The following EML6 variants were observed in gnomAD, a reference collection of about 807,000 sequenced individuals.
EML6 encodes the protein EMAP like 6.
EML6 carries 154 observed loss-of-function variants against 240.1 expected under a neutral mutation model. The observed-to-expected ratio is 0.64, with a 90% CI of 0.56 to 0.73. The LOEUF (loss-of-function observed/expected upper bound fraction) is 0.73. Ranked by LOEUF, EML6 falls within the 30% of genes least tolerant of loss-of-function variation. The probability of loss-of-function intolerance (pLI) is 0.00; values close to 1 mark genes in which losing one functional copy is unlikely to be tolerated. For missense variants in EML6, 2,964 were observed against 2,474.6 expected (o/e 1.20, Z -4.20); for synonymous variants, 1,148 against 899.0 (o/e 1.28, Z -4.95).
intron 18 of EML6, among the ~76,000 whole-genome samples, chr2:54,891,546 C>T (rs1362286257): frequency 1.3e-5 from 2 of 152,070 alleles, no homozygotes; most frequent in Admixed American, 1.3e-4. Flanking sequence ...CTGAATTAAA[C>T]CCTGAGTCTG....
Position 54,878,111 on chromosome 2 carries a change from C to T in EML6, c.2345-1436C>T, listed in dbSNP as rs191126901. 2.5e-4 allele frequency among the ~76,000 whole-genome samples: 38 copies of T among 152,294 alleles called. 1 individual carries two copies. In the East Asian group the frequency reaches 6.9e-3, roughly 28 times the overall value. On this transcript the variant is annotated intron_variant, in intron 16 of 41. Coordinates refer to ENST00000356458, the MANE Select transcript of EML6 (RefSeq NM_001039753.4). ...AAAATAAGGATAAATATGTAATATA[C>T]ATATAAATATTGCATGGGACATACT...
At chr2:54,844,473 T>C (rs562604532) in intron 8 of EML6, among the ~76,000 whole-genome samples, 1 of 152,324 alleles carries the variant, frequency 6.6e-6, no homozygotes, top group South Asian at 2.1e-4. Context: ...TGAAAAATGC[T>C]TCAATACTGG....
intron 22 of EML6, among the ~76,000 whole-genome samples, chr2:54,901,868 T>C (rs1159760771): frequency 6.6e-6 from 1 of 152,322 alleles, no homozygotes; most frequent in Non-Finnish European, 1.5e-5. Context: ...TGTTCTTGAA[T>C]CAGTTTCCTT....
chr2:54,846,484 ATTTTT>A (rs34903209), intron 8 of EML6, among the ~76,000 whole-genome samples: 3 of 142,066 alleles, frequency 2.1e-5, no homozygotes, highest in Non-Finnish European at 3.0e-5. Flanking sequence ...TTGATACATA[ATTTTT>A]TTTTTTTTTT....
intron 28 of EML6, among the ~76,000 whole-genome samples, chr2:54,942,194 G>C (rs1675465714): frequency 6.6e-6 from 1 of 152,194 alleles, no homozygotes. Flanking sequence ...ATGACAAAGA[G>C]TGGCCAGTGT....
At chr2:54,767,921 A>G (rs1202894241) in intron 2 of EML6, among the ~76,000 whole-genome samples, 1 of 152,004 alleles carries the variant, frequency 6.6e-6, no homozygotes. Context: ...CATGCCAGCC[A>G]GAAGAAGTAC....
At chr2:54,857,534 G>C (rs1670450327) in intron 11 of EML6, among the ~76,000 whole-genome samples, 1 of 152,210 alleles carries the variant, frequency 6.6e-6, no homozygotes, top group East Asian at 1.9e-4. Context: ...TTCTACTGAA[G>C]GTCCACAGTT....
At chr2:54,923,724 A>G (rs1021136172) in intron 26 of EML6, among the ~76,000 whole-genome samples, 25 of 152,096 alleles carry the variant, frequency 1.6e-4, no homozygotes, top group African/African-American at 5.6e-4. Context: ...ACCTATATAA[A>G]CATCTCTTAT....
chr2:54,889,589 C>G (rs1672350451), intron 17 of EML6, among the ~76,000 whole-genome samples: 1 of 151,496 alleles, frequency 6.6e-6, no homozygotes, highest in Admixed American at 6.6e-5. Context: ...ATTTTTCAAC[C>G]AGTCACTGTA....
At chr2:54,844,472 C>CT (rs1382521147) in intron 8 of EML6, among the ~76,000 whole-genome samples, 4 of 152,144 alleles carry the variant, frequency 2.6e-5, no homozygotes, top group Non-Finnish European at 5.9e-5. Flanking sequence ...GTGAAAAATG[C>CT]TTCAATACTG....
chr2:54,971,197 C>G lies in EML6; in HGVS notation c.*1102C>G, dbSNP rs1401203397. 1 of 152,152 alleles carries G rather than the reference C, an allele frequency of 6.6e-6. No individual in the cohort carries two copies. The highest frequency in any genetic ancestry group is 2.4e-5 in the African/African-American group (1 of 41,424). 9.4% of individuals were successfully genotyped at this position (152,152 alleles called of 1,614,324 possible). A position where few individuals can be genotyped will look rare whatever the true frequency, so the allele number is the denominator to read the frequency against. The stretch of plus-strand genomic sequence containing the variant: ...ATTATCTGCAGAACAAATTGTAAAC[C>G]CAAGGAATAGCTGGTAAATCAAAAT... On this transcript the variant is annotated 3_prime_UTR_variant, in exon 42 of 42. Coordinates refer to ENST00000356458, the MANE Select transcript of EML6 (RefSeq NM_001039753.4).
rs1035470692 is a variant in EML6 at position 54,928,673 on chromosome 2, A to G, written c.3926A>G (p.Lys1309Arg). ...GAAAAGGCCATTGACTACACCACCAAGATTTATGCTGTGAGCATCAGGGAA... is the reference window on the plus strand; with the variant it reads ...GAAAAGGCCATTGACTACACCACCAGGATTTATGCTGTGAGCATCAGGGAA... ...AREKAIDYTT[K>R]IYAVSIREME... Residue 1309 changes from lysine to arginine, a missense_variant, in exon 28 of 42, where the codon AAG becomes AGG. Physicochemically the swap from Lys to Arg is conservative, Grantham distance 26 (BLOSUM62 2). Transcript: ENST00000356458. 1 of 1,552,050 alleles carries G rather than the reference A, an allele frequency of 6.4e-7. No individual in the cohort carries two copies. The highest frequency in any genetic ancestry group is 8.7e-7 in the Non-Finnish European group (1 of 1,147,052).
chr2:54,864,006 A>G (rs1670828575), intron 13 of EML6, 117 bp downstream of exon 13: 3 of 597,748 alleles, frequency 5.0e-6, no homozygotes, highest in Non-Finnish European at 8.8e-6. Flanking sequence ...GGCAAAAACA[A>G]GAAAAATAGT....
At chr2:54,763,000 C>T (rs1314111264) in intron 2 of EML6, among the ~76,000 whole-genome samples, 1 of 152,114 alleles carries the variant, frequency 6.6e-6, no homozygotes, top group Admixed American at 6.6e-5. Context: ...ATACTGGTAA[C>T]CCCCCAATTC....
At chr2:54,732,949 A>G (rs1266868605) in intron 2 of EML6, among the ~76,000 whole-genome samples, 1 of 152,228 alleles carries the variant, frequency 6.6e-6, no homozygotes, top group Non-Finnish European at 1.5e-5. Context: ...GAGCCAGCTG[A>G]GGAGGTGAGT....
chr2:54,967,150 C>G lies in EML6; in HGVS notation c.5597+47C>G, dbSNP rs562743837. 9.3e-5 allele frequency: 117 copies of G among 1,258,836 alleles called. 1 individual carries two copies. In the African/African-American group the frequency reaches 1.2e-3, roughly 13 times the overall value. 78.0% of individuals were successfully genotyped at this position (1,258,836 alleles called of 1,614,324 possible). On this transcript the variant is annotated intron_variant, in intron 39 of 41. Coordinates refer to ENST00000356458, the MANE Select transcript of EML6 (RefSeq NM_001039753.4). The stretch of plus-strand genomic sequence containing the variant: ...CTTGAGGAAAAGGTCACAAGGGAGT[C>G]TCTTGTCTCACTCAGGCTCAGCCTC...
At position 54,778,270 on chromosome 2, in the gene EML6, A is replaced by T. The variant is rs191276961; in HGVS notation, c.198-34962A>T. On this transcript the variant is annotated intron_variant, in intron 2 of 41. Coordinates refer to ENST00000356458, the MANE Select transcript of EML6 (RefSeq NM_001039753.4). Reference sequence around the variant, plus strand: ...AAGTGAAGGATTTGTATAAGATTTCATTAAAGCTTATTAAATGTCGAAATT... The same window carrying T: ...AAGTGAAGGATTTGTATAAGATTTCTTTAAAGCTTATTAAATGTCGAAATT... Among the ~76,000 whole-genome samples the T allele has an allele frequency of 1.4e-3, 213 of 152,386 alleles. 1 individual carries two copies. The highest frequency in any genetic ancestry group is 5.0e-3 in the Admixed American group (77 of 15,310).
intron 19 of EML6, 130 bp from the exon 20 acceptor site, chr2:54,894,785 T>A: frequency 1.6e-6 from 1 of 606,936 alleles, no homozygotes; most frequent in Non-Finnish European, 2.9e-6. Context: ...ATCACCAGAG[T>A]TTTCCATCTC....
At chr2:54,962,469 G>T in intron 35 of EML6, 54 bp from the exon 36 acceptor site, 1 of 1,342,234 alleles carries the variant, frequency 7.5e-7, no homozygotes, top group South Asian at 1.5e-5. Flanking sequence ...TACCTCATAT[G>T]AGTGCAGTCA....
Sources: allele counts gnomAD v4.1 joint callset (sites outside exome capture counted in the v4.1 genomes callset), GRCh38; gene constraint gnomAD v4.1.1; transcripts MANE v1.5; gene names NCBI Gene and HGNC (gene_info 2026-07-23, HGNC 2026-07-21).